CUX1: variants seen among roughly 807,000 people sequenced by gnomAD.
CUX1 encodes the protein cut like homeobox 1, also known as protein CASP.
In CUX1, 31 loss-of-function variants were observed where a neutral mutation model predicts 158.8. The ratio of observed to expected loss-of-function variants is 0.20; its 90% CI spans 0.15 to 0.26. The LOEUF is 0.26. CUX1 is among the 10% of genes least tolerant of loss of function. CUX1 has a pLI of 1.00. For synonymous variants in CUX1, 879 were observed against 862.1 expected, an observed-to-expected ratio of 1.02 and a Z score of -0.34; for missense variants, 1,589 against 2,014.6, an observed-to-expected ratio of 0.79 and a Z score of 4.04.
intron 6 of CUX1, among the ~76,000 whole-genome samples, chr7:102,110,604 T>C (rs782172384): frequency 3.3e-5 from 5 of 152,242 alleles, no homozygotes; most frequent in Non-Finnish European, 7.3e-5. Flanking sequence ...GTTCATATTA[T>C]GCTATAGCTT....
chr7:102,225,364 G>A (rs1798240487), intron 20 of CUX1, among the ~76,000 whole-genome samples: 6 of 152,218 alleles, frequency 3.9e-5, no homozygotes. Context: ...AATATTCCTT[G>A]TAGTTGGAAT....
chr7:102,210,516 T>C (rs782623731), intron 20 of CUX1, among the ~76,000 whole-genome samples: 14 of 152,296 alleles, frequency 9.2e-5, no homozygotes, highest in Admixed American at 3.9e-4. Flanking sequence ...ACCCGGCCAC[T>C]TTGTAACTTT....
chr7:102,148,124 C>T (rs924548777), intron 8 of CUX1, among the ~76,000 whole-genome samples: 23 of 152,118 alleles, frequency 1.5e-4, no homozygotes, highest in Non-Finnish European at 2.2e-4. Flanking sequence ...ATAAATGCAA[C>T]AGAAACAAAA....
chr7:101,856,405 G>GT (rs1031813008), intron 1 of CUX1, among the ~76,000 whole-genome samples: 2 of 152,056 alleles, frequency 1.3e-5, no homozygotes, highest in African/African-American at 4.8e-5. Flanking sequence ...ATCCAAGTTA[G>GT]TGTTTTCCAT....
At chr7:102,241,664 C>T (rs1722698471) in intron 23 of CUX1, among the ~76,000 whole-genome samples, 1 of 152,174 alleles carries the variant, frequency 6.6e-6, no homozygotes, top group South Asian at 2.1e-4. Context: ...CCTTTATTGC[C>T]CATAGAGGCA....
At chr7:102,118,637 C>T (rs1831685790) in intron 8 of CUX1, among the ~76,000 whole-genome samples, 1 of 152,186 alleles carries the variant, frequency 6.6e-6, no homozygotes, top group African/African-American at 2.4e-5. Flanking sequence ...TCACTAGGGT[C>T]CACTACGAGC....
chr7:101,990,652 C>T (rs1473296157), intron 2 of CUX1, among the ~76,000 whole-genome samples: 1 of 151,838 alleles, frequency 6.6e-6, no homozygotes, highest in Non-Finnish European at 1.5e-5. Flanking sequence ...GCTGGGATTA[C>T]AGGTGTGAGT....
At chr7:102,226,091 T>A (rs1473325116) in intron 20 of CUX1, among the ~76,000 whole-genome samples, 1 of 152,238 alleles carries the variant, frequency 6.6e-6, no homozygotes, top group Non-Finnish European at 1.5e-5. Flanking sequence ...GAATCCAGCC[T>A]CTTTTATCAG....
At chr7:102,195,442 C>G in intron 13 of CUX1, 65 bp from the exon 14 acceptor site, 1 of 1,364,562 alleles carries the variant, frequency 7.3e-7, no homozygotes, top group Non-Finnish European at 1.0e-6. Context: ...GGCTCCAGGC[C>G]TGGTGGCCCC....
rs1789904679 is a variant in CUX1 at position 102,256,454 on chromosome 7, T to C, written c.*7412T>C. On this transcript the variant is annotated 3_prime_UTR_variant, in exon 24 of 24. Coordinates refer to ENST00000292535, the MANE Select transcript of CUX1 (RefSeq NM_181552.4). ...CTCTAGTGGTTACTATCCTCTGCCT[T>C]CCTCTCCTCCCCTACTCCCCCAGAG... The C allele has an allele frequency of 1.0e-6, 1 of 985,284 alleles. No homozygotes were observed. The highest frequency in any genetic ancestry group is 1.7e-5 in the African/African-American group (1 of 57,216). 61.0% of individuals were successfully genotyped at this position (985,284 alleles called of 1,614,324 possible).
chr7:101,914,660 G>A (rs1803962033), intron 1 of CUX1, among the ~76,000 whole-genome samples: 1 of 151,732 alleles, frequency 6.6e-6, no homozygotes, highest in Non-Finnish European at 1.5e-5. Flanking sequence ...CACCATGCCT[G>A]GCTAATTTTT....
In CUX1 at chr7:102,201,605, G is replaced by C. The variant is rs1368422800; in HGVS notation, c.2308G>C (p.Ala770Pro). ...LAISLKKPSA[A>P]PEAGASALPN... ...CATCTCCCTGAAGAAGCCCTCCGCA[G>C]CTCCTGAGGCCGGTGCCTCTGCTCT... Residue 770 changes from alanine to proline, a missense_variant, in exon 18 of 24, where the codon GCT becomes CCT. Ala to Pro is a conservative substitution (Grantham distance 27). This residue lies in a region of CUX1 where 337 missense variants were observed against 409.3 expected (regional missense o/e 0.82). Coordinates refer to ENST00000292535, the MANE Select transcript of CUX1 (RefSeq NM_181552.4). The surrounding 1 kb of genome is among the most constrained non-coding windows in gnomAD (Gnocchi z 5.0). 11 of 1,614,028 alleles carry C rather than the reference G, an allele frequency of 6.8e-6. No homozygotes were observed. The highest frequency in any genetic ancestry group is 8.5e-6 in the Non-Finnish European group (10 of 1,180,008).
chr7:101,934,933 G>A (rs1806739008), intron 2 of CUX1, among the ~76,000 whole-genome samples: 1 of 152,100 alleles, frequency 6.6e-6, no homozygotes, highest in South Asian at 2.1e-4. Context: ...GCATTGCCCG[G>A]GGTGAGGAGC....
intron 3 of CUX1, among the ~76,000 whole-genome samples, chr7:102,042,862 TCA>T (rs560382690): frequency 5.9e-5 from 9 of 152,308 alleles, no homozygotes; most frequent in Admixed American, 5.9e-4. Flanking sequence ...TAATCAGGGC[TCA>T]CTGCAGCCTT....
chr7:102,268,839 ACCAGATC>A (rs1554545609), intron 14 of CUX1, among the ~76,000 whole-genome samples: 1 of 151,290 alleles, frequency 6.6e-6, no homozygotes, highest in East Asian at 1.9e-4. Context: ...TCCTTAAACA[ACCAGATC>A]CCTATCTCAG....
intron 3 of CUX1, among the ~76,000 whole-genome samples, chr7:102,033,834 A>C (rs1258945232): frequency 1.3e-5 from 2 of 152,092 alleles, no homozygotes; most frequent in Non-Finnish European, 2.9e-5. Flanking sequence ...AGAACAGTAC[A>C]AGAAAGGAAA....
intron 8 of CUX1, among the ~76,000 whole-genome samples, chr7:102,125,084 A>AT (rs1269703960): frequency 9.9e-5 from 15 of 152,018 alleles, no homozygotes; most frequent in Non-Finnish European, 1.9e-4. Flanking sequence ...GTCTGGCCCC[A>AT]TTTTTTAAGT....
At chr7:102,121,636 G>A (rs572188597) in intron 8 of CUX1, among the ~76,000 whole-genome samples, 11 of 152,256 alleles carry the variant, frequency 7.2e-5, no homozygotes, top group African/African-American at 2.6e-4. Context: ...GTGAGCAGCT[G>A]GGATGGATAC....
At chr7:102,212,838 T>G (rs1364813584) in intron 20 of CUX1, among the ~76,000 whole-genome samples, 8 of 152,250 alleles carry the variant, frequency 5.3e-5, no homozygotes, top group African/African-American at 1.9e-4. Flanking sequence ...ACATGGAGAA[T>G]TTTCCCTTTT....
Sources: allele counts gnomAD v4.1 joint callset (sites outside exome capture counted in the v4.1 genomes callset), GRCh38; gene constraint gnomAD v4.1.1; regional missense constraint gnomAD v4.1.1; non-coding constraint Gnocchi (gnomAD v3.1); transcripts MANE v1.5; gene names NCBI Gene and HGNC (gene_info 2026-07-23, HGNC 2026-07-21).